The following NRXN3 variants were observed in gnomAD, a reference collection of about 807,000 sequenced individuals.
NRXN3 encodes the protein neurexin III.
A neutral mutation model predicts 137.6 loss-of-function variants in NRXN3; 32 were observed. That is an observed-to-expected ratio of 0.23 (90% CI 0.18 to 0.31). The LOEUF is 0.31. Among genes scored for constraint, NRXN3 ranks in the 10% least tolerant of loss-of-function variants. The pLI, the probability that NRXN3 is intolerant of heterozygous loss-of-function variation, is 1.00. For missense variants in NRXN3, 1,574 were observed against 2,062.5 expected (o/e 0.76, Z 4.59); for synonymous variants, 798 against 784.5 (o/e 1.02, Z -0.29).
intron 20 of NRXN3, among the ~76,000 whole-genome samples, chr14:79,842,164 A>T (rs2099357212): frequency 6.6e-6 from 1 of 152,216 alleles, no homozygotes; most frequent in African/African-American, 2.4e-5. Flanking sequence ...GACTGCGGAC[A>T]AAGACAAAGT....
intron 16 of NRXN3, among the ~76,000 whole-genome samples, chr14:79,654,079 A>T (rs1031457567): frequency 6.6e-6 from 1 of 152,198 alleles, no homozygotes; most frequent in Admixed American, 6.5e-5. Flanking sequence ...TCCTTATCTG[A>T]GAATGTTACA....
chr14:78,371,289 G>A (rs944979250), intron 4 of NRXN3, among the ~76,000 whole-genome samples: 1 of 152,194 alleles, frequency 6.6e-6, no homozygotes, highest in Non-Finnish European at 1.5e-5. Flanking sequence ...GATAGACGTG[G>A]CTTAGCTTCA....
chr14:78,319,160 C>T (rs1383381453), intron 4 of NRXN3, among the ~76,000 whole-genome samples: 1 of 152,172 alleles, frequency 6.6e-6, no homozygotes, highest in African/African-American at 2.4e-5. Context: ...AACAGCACTC[C>T]TTGGAAGTAG....
intron 15 of NRXN3, among the ~76,000 whole-genome samples, chr14:79,210,423 A>G (rs894078016): frequency 3.3e-5 from 5 of 152,330 alleles, no homozygotes; most frequent in Non-Finnish European, 7.4e-5. Flanking sequence ...TGTCTTGTGA[A>G]GAAACCCATT....
chr14:79,477,213 A>G (rs1276428762), intron 16 of NRXN3, among the ~76,000 whole-genome samples: 1 of 152,034 alleles, frequency 6.6e-6, no homozygotes, highest in African/African-American at 2.4e-5. Flanking sequence ...CATGAGTGTC[A>G]TATCAAAGGA....
intron 17 of NRXN3, among the ~76,000 whole-genome samples, chr14:79,691,969 A>G (rs142273644): frequency 1.3e-5 from 2 of 152,160 alleles, no homozygotes; most frequent in African/African-American, 2.4e-5. Flanking sequence ...TTTCCAAAAC[A>G]TGATGGAGTA....
chr14:78,301,451 C>T (rs770413346), intron 4 of NRXN3, among the ~76,000 whole-genome samples: 31 of 152,186 alleles, frequency 2.0e-4, no homozygotes, highest in Non-Finnish European at 3.7e-4. Context: ...CTTTGGGTAA[C>T]GCATCCATTT....
At position 78,419,961 on chromosome 14, in the gene NRXN3, G is replaced by GCACACACACA. The variant is rs1256574515; in HGVS notation, c.757+122117_757+122126dup. ...CACGTGTGTGCGCGCGCGCGCGCAC[G>GCACACACACA]CACACACACACACACACACACACAC... On this transcript the variant is annotated intron_variant, in intron 4 of 20. Transcript: ENST00000335750. Among the ~76,000 whole-genome samples, 201 of 49,238 alleles carry GCACACACACA rather than the reference G, an allele frequency of 4.1e-3. 1 individual carries two copies. The highest frequency in any genetic ancestry group is 0.012 in the East Asian group (45 of 3,674). The allele number at this position is 49,238 out of a possible 152,430, so 32.3% of individuals were successfully genotyped here. A position where few individuals can be genotyped will look rare whatever the true frequency, so the allele number is the denominator to read the frequency against.
At chr14:78,545,764 G>C (rs537159828) in intron 4 of NRXN3, among the ~76,000 whole-genome samples, 68 of 152,234 alleles carry the variant, frequency 4.5e-4, no homozygotes, top group African/African-American at 1.6e-3. Context: ...AGAACCTGCT[G>C]TGTGCCACTT....
chr14:79,716,662 C>T (rs1310005587), intron 19 of NRXN3, among the ~76,000 whole-genome samples: 1 of 152,040 alleles, frequency 6.6e-6, no homozygotes, highest in African/African-American at 2.4e-5. Flanking sequence ...GTAATAAAAA[C>T]GCTGAACCAG....
chr14:78,741,684 G>T (rs2098574576), intron 8 of NRXN3, among the ~76,000 whole-genome samples: 1 of 152,064 alleles, frequency 6.6e-6, no homozygotes, highest in Admixed American at 6.6e-5. Context: ...GAACACTTAA[G>T]ATATACTCTC....
At chr14:78,622,030 G>C (rs1257265294) in intron 4 of NRXN3, among the ~76,000 whole-genome samples, 2 of 152,102 alleles carry the variant, frequency 1.3e-5, no homozygotes, top group African/African-American at 4.8e-5. Context: ...TAAGACATTG[G>C]TTCTGTCAGA....
intron 3 of NRXN3, among the ~76,000 whole-genome samples, chr14:78,294,378 A>G (rs1268726476): frequency 6.6e-6 from 1 of 152,106 alleles, no homozygotes; most frequent in Non-Finnish European, 1.5e-5. Flanking sequence ...AACATGGCAA[A>G]ACCCCGTCTC....
At position 79,369,598 on chromosome 14, in the gene NRXN3, G is replaced by A. The variant is rs570074906; in HGVS notation, c.3263-97623G>A. Among the ~76,000 whole-genome samples the A allele has an allele frequency of 4.5e-4, 69 of 152,232 alleles. 1 individual carries two copies. In the South Asian group the frequency reaches 0.013, roughly 28 times the overall value. On this transcript the variant is annotated intron_variant, in intron 15 of 20. Coordinates refer to ENST00000335750, the MANE Select transcript of NRXN3 (RefSeq NM_001330195.2). ...TAATATCCCACTTACATCCTGTAGC[G>A]GTGTGGGCCCATTTATTCTTTTTTA...
At chr14:79,797,411 C>A (rs896981393) in intron 19 of NRXN3, among the ~76,000 whole-genome samples, 1 of 152,102 alleles carries the variant, frequency 6.6e-6, no homozygotes, top group Admixed American at 6.6e-5. Flanking sequence ...TTGTTCCAAT[C>A]GAAATACTTA....
chr14:78,813,560 C>A (rs188887324), intron 10 of NRXN3, among the ~76,000 whole-genome samples: 105 of 152,048 alleles, frequency 6.9e-4, no homozygotes, highest in Non-Finnish European at 2.9e-4. Context: ...AAATTTGAAT[C>A]AAGGTGGATT....
At chr14:78,911,126 T>C (rs1360499963) in intron 10 of NRXN3, among the ~76,000 whole-genome samples, 1 of 152,220 alleles carries the variant, frequency 6.6e-6, no homozygotes, top group East Asian at 1.9e-4. Flanking sequence ...GAAGCACTTA[T>C]AAATTTTTAC....
chr14:79,734,564 C>CT (rs1603452341), intron 19 of NRXN3, among the ~76,000 whole-genome samples: 1 of 152,038 alleles, frequency 6.6e-6, no homozygotes, highest in Non-Finnish European at 1.5e-5. Context: ...TTTTGTTTTG[C>CT]TTTTTTTCTC....
At chr14:79,834,021 GTTTGTGTTACAGCA>G (rs79365111) in intron 20 of NRXN3, among the ~76,000 whole-genome samples, 3,851 of 152,132 alleles carry the variant, frequency 0.025, 96 homozygotes, top group African/African-American at 0.069. Flanking sequence ...ATGAAAGAAC[GTTTGTGTTACAGCA>G]TTTGTGTTAC....
Sources: allele counts gnomAD v4.1 joint callset (sites outside exome capture counted in the v4.1 genomes callset), GRCh38; gene constraint gnomAD v4.1.1; transcripts MANE v1.5; gene names NCBI Gene and HGNC (gene_info 2026-07-23, HGNC 2026-07-21).